SLC26A1: variants seen among roughly 807,000 people sequenced by gnomAD.
SLC26A1 encodes the protein sulfate anion transporter 1.
In SLC26A1, 18 loss-of-function variants were observed where a neutral mutation model predicts 14.5. The ratio of observed to expected loss-of-function variants is 1.24; its 90% CI spans 0.86 to 1.84. The LOEUF is 1.84. Ranked by LOEUF, SLC26A1 falls within the 40% of genes most tolerant of loss-of-function variation. The probability of loss-of-function intolerance (pLI) is 0.00; values close to 1 mark genes in which losing one functional copy is unlikely to be tolerated. For synonymous variants in SLC26A1, 505 were observed against 492.0 expected (o/e 1.03, Z -0.35); for missense variants, 1,049 against 1,020.0 (o/e 1.03, Z -0.39).
In SLC26A1 at chr4:987,785, GAGCCGCCCCTTTGTTGTCCCC is replaced by G. The variant is rs398123255; in HGVS notation, c.*1027_*1047del. 1.9e-6 allele frequency: 3 copies of G among 1,611,450 alleles called. No individual in the cohort carries two copies. In the African/African-American group the frequency reaches 4.0e-5, roughly 22 times the overall value. ...GCCAGCCATGCTGAGGCTCGGGACT[GAGCCGCCCCTTTGTTGTCCCC>G]AGCCCCCCGCTGCCACACAGCCAGG... On this transcript the variant is annotated 3_prime_UTR_variant, in exon 3 of 3. Coordinates refer to ENST00000398516, the MANE Select transcript of SLC26A1 (RefSeq NM_022042.4).
At chr4:986,923 G>A (rs1435973000), downstream of SLC26A1, 1 of 718,860 alleles carries the variant, frequency 1.4e-6, no homozygotes, top group Non-Finnish European at 2.4e-6. Context: ...CCGGCTCCCC[G>A]AGGCTCCCCG....
exon 3 of SLC26A1, chr4:979,283 C>T: frequency 1.5e-6 from 1 of 661,508 alleles, no homozygotes; most frequent in Non-Finnish European, 2.7e-6. Context: ...GAGGGGCTGC[C>T]TTTTTTCCCC....
At position 989,971 on chromosome 4, in the gene SLC26A1, A is replaced by C; in HGVS notation, c.968T>G (p.Ile323Ser). The change falls in exon 3 of 3, where the codon ATC becomes AGC. Residue 323 changes from isoleucine to serine, a missense_variant. Ile to Ser is a moderately radical substitution (Grantham distance 142). Transcript: ENST00000398516. ...CTGAGGGGGCATGAAACCCGTGGGG[A>C]TGTCGCCAGCCACGCTCGAGCCAAA... The part of the protein sequence containing the change: ...KRFGSSVAGD[I>S]PTGFMPPQVP... 6.4e-7 allele frequency: 1 copy of C among 1,556,976 alleles called. No individual in the cohort carries two copies. Among genetic ancestry groups the C allele is most frequent in the South Asian group, 1.2e-5 (1 of 84,756 alleles).
rs776879362 is a variant in SLC26A1 at position 989,586 on chromosome 4, C to G, written c.1353G>C (p.Arg451=). ...VLACVIVVSL[R]GALRKVWDLP... ...GGTCCCACACCTTGCGCAGGGCCCC[C>G]CGCAGGCTGACCACGATGACGCAGG... The change falls in exon 3 of 3, where the codon CGG becomes CGC. Residue 451 remains arginine, a synonymous_variant. Transcript: ENST00000398516. 2 of 1,599,072 alleles carry G rather than the reference C, an allele frequency of 1.3e-6. No homozygotes were observed. The highest frequency in any genetic ancestry group is 2.3e-5 in the East Asian group (1 of 44,240).
At chr4:981,838 C>T (rs752036233) in intron 2 of SLC26A1, among the ~76,000 whole-genome samples, 4 of 150,366 alleles carry the variant, frequency 2.7e-5, no homozygotes, top group East Asian at 2.0e-4. Flanking sequence ...CTTTTTGAGA[C>T]GGAGTCTCAC....
chr4:985,304 C>T (rs187558373), downstream of SLC26A1, among the ~76,000 whole-genome samples: 23 of 152,378 alleles, frequency 1.5e-4, no homozygotes, highest in Admixed American at 1.2e-3. Context: ...CGCCCCAAAG[C>T]GGGCCCCGCC....
At chr4:987,575 TGGCAGGGCCAGG>T, downstream of SLC26A1, 1 of 1,373,796 alleles carries the variant, frequency 7.3e-7, no homozygotes, top group African/African-American at 1.5e-5. Context: ...CCCGCCTTCC[TGGCAGGGCCAGG>T]GCCAGGGCTG....
Position 989,063 on chromosome 4 carries a change from C to T in SLC26A1, c.1876G>A (p.Gly626Ser), listed in dbSNP as rs755604073. 1.7e-5 allele frequency: 27 copies of T among 1,587,656 alleles called. No homozygotes were observed. Among genetic ancestry groups the T allele is most frequent in the African/African-American group, 1.2e-4 (9 of 74,192 alleles). The stretch of plus-strand genomic sequence containing the variant: ...CGCAGGTCCTGCAGCGTGCTCACAC[C>T]GGCTGCGTCTAGGAACAGCAGCGGG... The part of the protein sequence containing the change: ...CAPLLFLDAA[G>S]VSTLQDLRRD... The change falls in exon 3 of 3, where the codon GGT becomes AGT. Residue 626 changes from glycine to serine, a missense_variant. Coordinates refer to ENST00000398516, the MANE Select transcript of SLC26A1 (RefSeq NM_022042.4).
At position 989,346 on chromosome 4, in the gene SLC26A1, G is replaced by A. The variant is rs763141406; in HGVS notation, c.1593C>T (p.Leu531=). The part of the protein sequence containing the change: ...FYEDATEFEG[L]VPEPGVRVFR... Reference sequence around the variant, plus strand: ...ACACCCGCACGCCGGGCTCAGGGACGAGGCCCTCGAACTCTGTGGCATCCT... The same window carrying A: ...ACACCCGCACGCCGGGCTCAGGGACAAGGCCCTCGAACTCTGTGGCATCCT... Residue 531 remains leucine (L), a synonymous_variant, in exon 3 of 3, where the codon CTC becomes CTT. Transcript: ENST00000398516. The A allele has an allele frequency of 3.8e-6, 6 of 1,599,710 alleles. No individual in the cohort carries two copies. Among genetic ancestry groups the A allele is most frequent in the Admixed American group, 3.4e-5 (2 of 58,220 alleles).
chr4:993,047 G>A (rs578015958), intron 1 of SLC26A1: 6 of 135,108 alleles, frequency 4.4e-5, no homozygotes, highest in African/African-American at 1.6e-4. Flanking sequence ...GGCACAGAGC[G>A]GGGGTCCTGG....
chr4:987,103 C>A (rs758122214), downstream of SLC26A1: 7 of 1,458,204 alleles, frequency 4.8e-6, no homozygotes, highest in East Asian at 3.0e-5. Context: ...CCTGCGCCCC[C>A]GCGCCGCGCT....
chr4:991,906 C>T (rs1450921560), intron 1 of SLC26A1, 176 bp from the exon 2 acceptor site: 12 of 1,116,762 alleles, frequency 1.1e-5, no homozygotes, highest in African/African-American at 4.6e-5. Context: ...TATGGATGGA[C>T]GCTGGGCCCT....
chr4:988,420 G>C lies in SLC26A1; in HGVS notation c.*413C>G, dbSNP rs1024485682. 2.2e-5 allele frequency: 23 copies of C among 1,066,902 alleles called. No homozygotes were observed. Among genetic ancestry groups the C allele is most frequent in the Non-Finnish European group, 2.6e-5 (23 of 882,014 alleles). 66.1% of individuals were successfully genotyped at this position (1,066,902 alleles called of 1,614,324 possible). ...GACCCTCGTGCACTTGGCCAGAGCCGCTGGCTCCTACCAGCAGGGTGGGCA... is the reference window on the plus strand; with the variant it reads ...GACCCTCGTGCACTTGGCCAGAGCCCCTGGCTCCTACCAGCAGGGTGGGCA... On this transcript the variant is annotated 3_prime_UTR_variant, in exon 3 of 3. Coordinates refer to ENST00000398516, the MANE Select transcript of SLC26A1 (RefSeq NM_022042.4).
At chr4:983,723 G>T (rs552054426), downstream of SLC26A1, among the ~76,000 whole-genome samples, 7 of 152,326 alleles carry the variant, frequency 4.6e-5, no homozygotes, top group African/African-American at 1.7e-4. Flanking sequence ...CTTCAGAAAG[G>T]CAGGGGAGGT....
At chr4:987,089 G>A (rs1327366420), downstream of SLC26A1, 5 of 1,479,142 alleles carry the variant, frequency 3.4e-6, no homozygotes, top group South Asian at 2.6e-5. Context: ...GTGGCCATGC[G>A]TCCCCTGCGC....
In SLC26A1 at chr4:988,044, C is replaced by A; in HGVS notation, c.*789G>T. 1 of 1,481,144 alleles carries A rather than the reference C, an allele frequency of 6.8e-7. No homozygotes were observed. The highest frequency in any genetic ancestry group is 9.0e-7 in the Non-Finnish European group (1 of 1,112,242). The allele number at this position is 1,481,144 out of a possible 1,614,324, so 91.8% of individuals were successfully genotyped here. A position where few individuals can be genotyped will look rare whatever the true frequency, so the allele number is the denominator to read the frequency against. ...GGGCTGCTCGGAAGACCCCTTGTTC[C>A]CCCACCTCCCGCCGAAGCACCCTGT... is the stretch of plus-strand genomic sequence containing the variant. On this transcript the variant is annotated 3_prime_UTR_variant, in exon 3 of 3. Transcript: ENST00000398516.
chr4:989,387 C>G lies in SLC26A1; in HGVS notation c.1552G>C (p.Asp518His), dbSNP rs1439251370. The change falls in exon 3 of 3, where the codon GAC (aspartate) becomes CAC (histidine). Residue 518 changes from aspartate (D) to histidine (H), a missense_variant. Physicochemically the swap from Asp to His is moderately conservative, Grantham distance 81. Transcript: ENST00000398516. Reference sequence around the variant, plus strand: ...GTGGCATCCTCGTAGAAGGCCGTGTCCCCGATGCGGGCCAGCAGGGCGGTG... The same window carrying G: ...GTGGCATCCTCGTAGAAGGCCGTGTGCCCGATGCGGGCCAGCAGGGCGGTG... ...PRTALLARIG[D>H]TAFYEDATEF... 1.9e-6 allele frequency: 3 copies of G among 1,571,832 alleles called. No homozygotes were observed. The highest frequency in any genetic ancestry group is 3.7e-5 in the Admixed American group (2 of 53,626).
chr4:981,789 A>G (rs1345185346), intron 2 of SLC26A1, among the ~76,000 whole-genome samples: 1 of 152,142 alleles, frequency 6.6e-6, no homozygotes, highest in Non-Finnish European at 1.5e-5. Context: ...TGCAAGAACC[A>G]GCAAGAACCT....
Position 991,750 on chromosome 4 carries a change from A to G in SLC26A1, c.-27-20T>C, listed in dbSNP as rs1465880610. ...GCCGACCTGCGGCCGAGAAGAGGGC[A>G]TGGTCACAGGAGCCCCCGGATCCAG... On this transcript the variant is annotated intron_variant, in intron 1 of 2. Coordinates refer to ENST00000398516, the MANE Select transcript of SLC26A1 (RefSeq NM_022042.4). 1.3e-6 allele frequency: 2 copies of G among 1,531,370 alleles called. No individual in the cohort carries two copies. Among genetic ancestry groups the G allele is most frequent in the Non-Finnish European group, 1.7e-6 (2 of 1,144,820 alleles). The allele number at this position is 1,531,370 out of a possible 1,614,324, so 94.9% of individuals were successfully genotyped here.
Sources: allele counts gnomAD v4.1 joint callset (sites outside exome capture counted in the v4.1 genomes callset), GRCh38; gene constraint gnomAD v4.1.1; transcripts MANE v1.5; gene names NCBI Gene and HGNC (gene_info 2026-07-23, HGNC 2026-07-21).